Variants in EMID1 observed in about 807,000 individuals in gnomAD.
The protein encoded by EMID1 is EMI domain-containing protein 1.
Under a neutral mutation model 60.6 loss-of-function variants are expected in EMID1, and 40 were observed. The ratio of observed to expected loss-of-function variants is 0.66; its 90% CI spans 0.51 to 0.86. EMID1 has a LOEUF of 0.86. Ranked by LOEUF, EMID1 falls within the 40% of genes least tolerant of loss-of-function variation. The probability of loss-of-function intolerance (pLI) is 0.00; values close to 1 mark genes in which losing one functional copy is unlikely to be tolerated. For synonymous variants in EMID1, 242 were observed against 231.0 expected, an observed-to-expected ratio of 1.05 and a Z score of -0.43; for missense variants, 585 against 597.1, an observed-to-expected ratio of 0.98 and a Z score of 0.21.
intron 1 of EMID1, among the ~76,000 whole-genome samples, chr22:29,214,160 A>G (rs1470585445): frequency 1.3e-5 from 2 of 152,192 alleles, no homozygotes; most frequent in Non-Finnish European, 2.9e-5. Context: ...CGGAGGGGAC[A>G]TGGGAATGGG....
intron 1 of EMID1, among the ~76,000 whole-genome samples, chr22:29,211,594 G>A (rs1242439335): frequency 6.6e-6 from 1 of 152,138 alleles, no homozygotes; most frequent in Non-Finnish European, 1.5e-5. Flanking sequence ...GTGTGTCTGT[G>A]TGTACGTGCT....
chr22:29,231,245 C>T (rs1464445945), intron 6 of EMID1, 105 bp downstream of exon 6: 6 of 1,444,448 alleles, frequency 4.2e-6, no homozygotes, highest in African/African-American at 1.4e-5. Flanking sequence ...ACTTAACCCT[C>T]TAGTGGGCCT....
intron 14 of EMID1, among the ~76,000 whole-genome samples, chr22:29,256,463 C>CAAA (rs774829201): frequency 3.8e-5 from 2 of 52,744 alleles, no homozygotes; most frequent in African/African-American, 5.4e-5. Context: ...GACTCCATCT[C>CAAA]AAAAAAAAAA....
chr22:29,215,664 G>A (rs372461784), intron 3 of EMID1, 34 bp downstream of exon 3: 117 of 1,570,888 alleles, frequency 7.4e-5, no homozygotes, highest in Middle Eastern at 1.7e-4. Context: ...GGAGCCCTGC[G>A]ACAGCAGGCC....
At chr22:29,225,936 G>A (rs1378437648) in intron 4 of EMID1, among the ~76,000 whole-genome samples, 1 of 152,182 alleles carries the variant, frequency 6.6e-6, no homozygotes, top group African/African-American at 2.4e-5. Flanking sequence ...GTCAGGGGAG[G>A]CTCAGAGGTT....
intron 3 of EMID1, among the ~76,000 whole-genome samples, chr22:29,217,319 G>A (rs1314081902): frequency 6.6e-6 from 1 of 152,242 alleles, no homozygotes; most frequent in Non-Finnish European, 1.5e-5. Context: ...GCTAAGGCAG[G>A]GGCATGAGCC....
chr22:29,231,463 C>A, intron 6 of EMID1, 130 bp from the exon 7 acceptor site: 1 of 1,016,590 alleles, frequency 9.8e-7, no homozygotes, highest in Non-Finnish European at 1.5e-6. Flanking sequence ...CCCAGGGCTG[C>A]CAGGAGCCAT....
intron 13 of EMID1, among the ~76,000 whole-genome samples, chr22:29,244,638 CAAAA>C (rs772867248): frequency 1.9e-5 from 2 of 105,286 alleles, no homozygotes; most frequent in Admixed American, 9.9e-5. Context: ...GACTCTGTCT[CAAAA>C]AAAAAAAAAG....
chr22:29,256,087 A>G (rs377187324), intron 14 of EMID1, among the ~76,000 whole-genome samples: 7 of 152,070 alleles, frequency 4.6e-5, no homozygotes, highest in African/African-American at 1.7e-4. Context: ...GCTGAGCTCT[A>G]TTCCTCACCT....
At chr22:29,216,835 C>G (rs902475567) in intron 3 of EMID1, among the ~76,000 whole-genome samples, 3 of 152,212 alleles carry the variant, frequency 2.0e-5, no homozygotes, top group African/African-American at 7.2e-5. Flanking sequence ...CCAGTGAAGC[C>G]GGGAAGAAAC....
intron 3 of EMID1, among the ~76,000 whole-genome samples, chr22:29,217,461 C>T (rs759982699): frequency 1.1e-4 from 16 of 152,240 alleles, no homozygotes; most frequent in Admixed American, 2.0e-4. Flanking sequence ...GGGGACTTCC[C>T]GTGCTTGTGC....
intron 12 of EMID1, among the ~76,000 whole-genome samples, chr22:29,239,729 A>C (rs1305482014): frequency 6.6e-6 from 1 of 151,648 alleles, no homozygotes; most frequent in African/African-American, 2.4e-5. Flanking sequence ...GGGGAAGGGA[A>C]GTGTTCTGGA....
intron 4 of EMID1, among the ~76,000 whole-genome samples, chr22:29,225,434 C>T (rs1334039946): frequency 6.6e-6 from 1 of 152,248 alleles, no homozygotes; most frequent in Non-Finnish European, 1.5e-5. Flanking sequence ...CCCAGACACC[C>T]TGAGACCCAT....
chr22:29,249,182 T>C (rs577124786), intron 13 of EMID1, among the ~76,000 whole-genome samples: 1 of 152,330 alleles, frequency 6.6e-6, no homozygotes, highest in East Asian at 1.9e-4. Context: ...AATGATGCCA[T>C]TAAATATGTG....
intron 6 of EMID1, 147 bp downstream of exon 6, chr22:29,231,287 C>CGGGT: frequency 1.6e-6 from 2 of 1,237,970 alleles, no homozygotes; most frequent in Non-Finnish European, 2.2e-6. Flanking sequence ...CTTAGACCCG[C>CGGGT]CTAAGAGGAC....
chr22:29,239,756 T>TC (rs1330924995), intron 12 of EMID1, among the ~76,000 whole-genome samples: 32 of 144,882 alleles, frequency 2.2e-4, no homozygotes. Context: ...TGATTAGATC[T>TC]CAGTCTTTTT....
intron 3 of EMID1, 96 bp downstream of exon 3, chr22:29,215,726 A>G (rs1438510308): frequency 8.3e-6 from 8 of 962,760 alleles, no homozygotes; most frequent in Admixed American, 1.9e-5. Context: ...AGAGTCATGC[A>G]CAGTACCATG....
intron 6 of EMID1, 137 bp downstream of exon 6, chr22:29,231,277 C>T: frequency 7.5e-7 from 1 of 1,333,896 alleles, no homozygotes; most frequent in South Asian, 1.5e-5. Context: ...TTTCCCGTTT[C>T]TTAGACCCGC....
intron 1 of EMID1, among the ~76,000 whole-genome samples, chr22:29,208,817 G>A (rs1008966821): frequency 5.9e-5 from 9 of 152,346 alleles, no homozygotes; most frequent in Admixed American, 4.6e-4. Context: ...TGGGGCCCAT[G>A]TCTGGGCCTG....
Sources: gnomAD v4.1 joint callset for allele counts (sites outside exome capture counted in the v4.1 genomes callset) on GRCh38, gnomAD v4.1.1 for gene constraint, MANE v1.5 for transcripts, NCBI Gene and HGNC (gene_info 2026-07-23, HGNC 2026-07-21) for gene names.